The following SIMC1 variants were observed in gnomAD, a reference collection of about 807,000 sequenced individuals.
The protein encoded by SIMC1 is SUMO interacting motifs containing 1.
In SIMC1, 55 loss-of-function variants were observed where a neutral mutation model predicts 82.3. The observed-to-expected ratio is 0.67, with a 90% CI of 0.54 to 0.84. The LOEUF is 0.84. Among genes scored for constraint, SIMC1 ranks in the 40% least tolerant of loss-of-function variants. The pLI, the probability that SIMC1 is intolerant of heterozygous loss-of-function variation, is 0.00. For missense variants in SIMC1, 915 were observed against 1,107.2 expected (o/e 0.83, Z 2.46); for synonymous variants, 353 against 426.3 (o/e 0.83, Z 2.12).
chr5:176,279,346 T>C (rs1458421159), intron 1 of SIMC1, among the ~76,000 whole-genome samples: 1 of 152,166 alleles, frequency 6.6e-6, no homozygotes. Context: ...TTATTGCGTC[T>C]ATTTGATTCT....
intron 1 of SIMC1, among the ~76,000 whole-genome samples, chr5:176,241,352 A>T (rs1761268423): frequency 9.2e-6 from 1 of 109,262 alleles, no homozygotes; most frequent in Non-Finnish European, 1.9e-5. Context: ...GTTTACTTGC[A>T]TACACACATG....
Position 176,290,018 on chromosome 5 carries a change from C to G in SIMC1, c.494C>G (p.Thr165Arg). ...ACAGAGCCTAATTGTAGCTCAGCCACATTCACAGGTAACCTCAGCTTCTTG... is the reference window on the plus strand; with the variant it reads ...ACAGAGCCTAATTGTAGCTCAGCCAGATTCACAGGTAACCTCAGCTTCTTG... Reference protein sequence around the residue: ...YPTEPNCSSATFTGNLSFLAS... With the variant: ...YPTEPNCSSARFTGNLSFLAS... The change falls in exon 2 of 10, where the codon ACA becomes AGA. Residue 165 changes from threonine to arginine, a missense_variant. Transcript: ENST00000429602. 6.2e-7 allele frequency: 1 copy of G among 1,613,842 alleles called. No individual in the cohort carries two copies. Among genetic ancestry groups the G allele is most frequent in the Non-Finnish European group, 8.5e-7 (1 of 1,179,818 alleles).
rs1470624348 is a variant in SIMC1, at chr5:176,295,201, A to G, written c.1603A>G (p.Ser535Gly). The G allele has an allele frequency of 1.2e-6, 2 of 1,613,386 alleles. No homozygotes were observed. The highest frequency in any genetic ancestry group is 1.7e-6 in the Non-Finnish European group (2 of 1,179,664). ...VAHIIQKILL[S>G]GSETVDVLKE... ...TCACATCATCCAGAAAATCTTGCTC[A>G]GTGGCTCTGAGACTGTGGATGTCCT... The change falls in exon 3 of 10, where the codon AGT (serine) becomes GGT (glycine). Residue 535 changes from serine (S) to glycine (G), a missense_variant. Physicochemically the swap from Ser to Gly is moderately conservative, Grantham distance 56. Coordinates refer to ENST00000429602, the MANE Select transcript of SIMC1 (RefSeq NM_001308195.2).
chr5:176,254,184 G>A (rs1455734269), intron 1 of SIMC1, among the ~76,000 whole-genome samples: 1 of 152,028 alleles, frequency 6.6e-6, no homozygotes, highest in Non-Finnish European at 1.5e-5. Context: ...CCACTAGATG[G>A]ACTAAAGGAT....
chr5:176,281,121 T>G (rs952876930), intron 1 of SIMC1, among the ~76,000 whole-genome samples: 14 of 152,252 alleles, frequency 9.2e-5, no homozygotes. Context: ...TTGGAAGCTT[T>G]GTTCATTTCT....
At chr5:176,280,939 G>A (rs1762977475) in intron 1 of SIMC1, among the ~76,000 whole-genome samples, 1 of 152,106 alleles carries the variant, frequency 6.6e-6, no homozygotes, top group Non-Finnish European at 1.5e-5. Flanking sequence ...GAGTATCTTT[G>A]TGGCGTTCTC....
intron 4 of SIMC1, among the ~76,000 whole-genome samples, chr5:176,298,748 C>T (rs1017631282): frequency 1.3e-5 from 2 of 152,138 alleles, no homozygotes; most frequent in Non-Finnish European, 2.9e-5. Flanking sequence ...AGTTGTTAAA[C>T]TAGATTGTTA....
Position 176,345,659 on chromosome 5 carries a change from T to C in SIMC1, c.*214T>C, listed in dbSNP as rs1219433290. Reference sequence around the variant, plus strand: ...ATATGGCTTAAATATACAAGGTATATATATTTTTTAATAAATTATTTATCT... The same window carrying C: ...ATATGGCTTAAATATACAAGGTATACATATTTTTTAATAAATTATTTATCT... On this transcript the variant is annotated 3_prime_UTR_variant, in exon 10 of 10. Coordinates refer to ENST00000429602, the MANE Select transcript of SIMC1 (RefSeq NM_001308195.2). 2 of 311,428 alleles carry C rather than the reference T, an allele frequency of 6.4e-6. No homozygotes were observed. Among genetic ancestry groups the C allele is most frequent in the Non-Finnish European group, 1.1e-5 (2 of 176,886 alleles). 19.3% of individuals were successfully genotyped at this position (311,428 alleles called of 1,614,324 possible). A position where few individuals can be genotyped will look rare whatever the true frequency, so the allele number is the denominator to read the frequency against.
chr5:176,334,250 C>A (rs1167626677), intron 7 of SIMC1, among the ~76,000 whole-genome samples: 1 of 152,082 alleles, frequency 6.6e-6, no homozygotes, highest in Non-Finnish European at 1.5e-5. Flanking sequence ...TGTTGAGAGT[C>A]TGGATTTTGC....
intron 9 of SIMC1, among the ~76,000 whole-genome samples, chr5:176,344,299 G>A (rs1432182463): frequency 6.6e-6 from 1 of 152,138 alleles, no homozygotes; most frequent in East Asian, 1.9e-4. Flanking sequence ...GTCCAGGCCA[G>A]TTATTTTGTA....
At chr5:176,331,107 C>A (rs558950790) in intron 7 of SIMC1, among the ~76,000 whole-genome samples, 1 of 152,176 alleles carries the variant, frequency 6.6e-6, no homozygotes, top group Non-Finnish European at 1.5e-5. Context: ...ATGTGCTTTT[C>A]AAAAATGTCA....
intron 9 of SIMC1, among the ~76,000 whole-genome samples, chr5:176,344,977 T>C (rs1181686689): frequency 6.6e-6 from 1 of 152,194 alleles, no homozygotes; most frequent in Non-Finnish European, 1.5e-5. Context: ...CTTTTTTTAA[T>C]GTAAAACTTC....
intron 9 of SIMC1, among the ~76,000 whole-genome samples, chr5:176,343,299 C>A (rs1035764460): frequency 2.0e-4 from 31 of 152,308 alleles, no homozygotes; most frequent in Admixed American, 5.2e-4. Context: ...AAAGTGCCAT[C>A]ATCCCCGTTT....
At chr5:176,305,742 T>C (rs1354500155) in intron 4 of SIMC1, among the ~76,000 whole-genome samples, 1 of 59,928 alleles carries the variant, frequency 1.7e-5, no homozygotes, top group Non-Finnish European at 3.4e-5. Context: ...AGCCGCCCCG[T>C]CCGGGAGGGA....
intron 7 of SIMC1, among the ~76,000 whole-genome samples, chr5:176,329,379 G>A (rs1271460668): frequency 6.6e-6 from 1 of 152,030 alleles, no homozygotes; most frequent in Admixed American, 6.6e-5. Flanking sequence ...GCTGAGGCAG[G>A]AGAATGGCGT....
chr5:176,345,154 C>A, intron 9 of SIMC1, 29 bp from the exon 10 acceptor site: 3 of 1,601,106 alleles, frequency 1.9e-6, no homozygotes, highest in Non-Finnish European at 2.6e-6. Flanking sequence ...CAGTTCAGAG[C>A]ACCCAACTGA....
rs1281850041 is a variant in SIMC1, at chr5:176,290,050, C to A, written c.526C>A (p.Leu176Ile). Residue 176 changes from leucine (L) to isoleucine (I), a missense_variant, in exon 2 of 10, where the codon CTA (leucine) becomes ATA (isoleucine). Around this residue, in one of 2 missense-constraint regions of SIMC1, gnomAD observed 902 missense variants for 1,040.3 expected, o/e 0.87. Transcript: ENST00000429602. Reference protein sequence around the residue: ...FTGNLSFLASLQLSSDVSSLS... With the variant: ...FTGNLSFLASIQLSSDVSSLS... ...AGGTAACCTCAGCTTCTTGGCAAGT[C>A]TACAGCTGTCTTCAGATGTTAGCTC... The A allele has an allele frequency of 6.2e-7, 1 of 1,611,888 alleles. No homozygotes were observed. Among genetic ancestry groups the A allele is most frequent in the South Asian group, 1.1e-5 (1 of 90,894 alleles).
At chr5:176,311,979 A>G (rs959777699) in intron 4 of SIMC1, among the ~76,000 whole-genome samples, 6 of 152,198 alleles carry the variant, frequency 3.9e-5, no homozygotes, top group Non-Finnish European at 2.9e-5. Flanking sequence ...GAGTCAAGAG[A>G]TACTGTCTAT....
chr5:176,295,988 AGTTG>A, intron 3 of SIMC1: 1 of 544,950 alleles, frequency 1.8e-6, no homozygotes, highest in Non-Finnish European at 3.2e-6. Context: ...AGGTAAAACT[AGTTG>A]GTTAAGAGTA....
Sources: allele counts gnomAD v4.1 joint callset (sites outside exome capture counted in the v4.1 genomes callset), GRCh38; gene constraint gnomAD v4.1.1; regional missense constraint gnomAD v4.1.1; transcripts MANE v1.5; gene names NCBI Gene and HGNC (gene_info 2026-07-23, HGNC 2026-07-21).